The following MYH7B variants were observed in gnomAD, a reference collection of about 807,000 sequenced individuals.
The protein encoded by MYH7B is myosin-7B.
In MYH7B, 205 loss-of-function variants were observed where a neutral mutation model predicts 234.5. The observed-to-expected ratio is 0.87, with a 90% CI of 0.78 to 0.98. The LOEUF (loss-of-function observed/expected upper bound fraction) is 0.98. Ranked by LOEUF, MYH7B falls within the 50% of genes least tolerant of loss-of-function variation. The pLI, the probability that MYH7B is intolerant of heterozygous loss-of-function variation, is 0.00. For missense variants in MYH7B, 2,652 were observed against 2,633.4 expected, an observed-to-expected ratio of 1.01 and a Z score of -0.15; for synonymous variants, 1,193 against 1,105.0, an observed-to-expected ratio of 1.08 and a Z score of -1.58.
chr20:34,989,047 TG>T (rs1263841495), intron 19 of MYH7B, among the ~76,000 whole-genome samples: 3 of 152,224 alleles, frequency 2.0e-5, no homozygotes, highest in African/African-American at 7.2e-5. Flanking sequence ...TGACCTCAAG[TG>T]ATCTACCCAC....
rs141710855 is a variant in MYH7B, at chr20:34,985,116, G to A, written c.792G>A (p.Ala264=). The A allele has an allele frequency of 5.9e-4, 958 of 1,614,062 alleles. 5 individuals are homozygous for A. The African/African-American group carries it at 9.6e-3, about 16-fold the overall frequency. ...GTCCCTCTGGGAAGCTGGCATCCGC[G>A]GATATTGACAGCTGTGAGTCAACCC... Residue 264 remains alanine, a synonymous_variant, in exon 13 of 45, where the codon GCG becomes GCA. Transcript: ENST00000262873.
At chr20:34,967,266 A>C (rs1442357402) in intron 2 of MYH7B, among the ~76,000 whole-genome samples, 1 of 152,092 alleles carries the variant, frequency 6.6e-6, no homozygotes, top group Admixed American at 6.6e-5. Flanking sequence ...AAAGCATTAG[A>C]TAGAATGATA....
chr20:34,997,147 A>G (rs2082275984), exon 31 of MYH7B: 1 of 1,549,574 alleles, frequency 6.5e-7, no homozygotes, highest in Non-Finnish European at 8.7e-7. Context: ...GGGGGCCCAG[A>G]TGCAGAAGAA....
intron 29 of MYH7B, 24 bp downstream of exon 29, chr20:34,996,546 T>A (rs2082262279): frequency 6.2e-7 from 1 of 1,603,588 alleles, no homozygotes; most frequent in Non-Finnish European, 8.5e-7. Flanking sequence ...ACCCCGAGAC[T>A]GGGTGGCGGG....
intron 2 of MYH7B, among the ~76,000 whole-genome samples, chr20:34,959,898 T>C (rs978546634): frequency 2.0e-5 from 3 of 152,112 alleles, no homozygotes; most frequent in African/African-American, 7.2e-5. Context: ...TTCCCTTACC[T>C]CCCTATCACA....
chr20:34,976,133 A>G (rs6060135), intron 3 of MYH7B, among the ~76,000 whole-genome samples: 66,965 of 152,068 alleles, frequency 0.44, 15,841 homozygotes, highest in African/African-American at 0.61. Flanking sequence ...GGCTCTACTC[A>G]GCGTATAGAG....
Position 34,999,860 on chromosome 20 carries a change from G to A in MYH7B, c.4735G>A (p.Val1579Met), listed in dbSNP as rs770788181. The change falls in exon 38 of 45, where the codon GTG (valine) becomes ATG (methionine). Residue 1579 changes from valine (V) to methionine (M), a missense_variant. Coordinates refer to ENST00000262873, the Ensembl canonical transcript of MYH7B. Reference sequence around the variant, plus strand: ...GGAGCTCTCCCAGGTCAAAGCAGAAGTGGACCGGAAGCTGGCAGAGAAAGA... The same window carrying A: ...GGAGCTCTCCCAGGTCAAAGCAGAAATGGACCGGAAGCTGGCAGAGAAAGA... The A allele has an allele frequency of 6.2e-7, 1 of 1,613,582 alleles. No homozygotes were observed. The highest frequency in any genetic ancestry group is 2.2e-5 in the East Asian group (1 of 44,830).
intron 2 of MYH7B, among the ~76,000 whole-genome samples, chr20:34,970,399 A>G (rs535294040): frequency 6.6e-6 from 1 of 152,304 alleles, no homozygotes; most frequent in African/African-American, 2.4e-5. Flanking sequence ...CATGTCCACT[A>G]GTCCTGTAGT....
At chr20:34,995,314 C>T (rs748053144) in intron 27 of MYH7B, 22 bp from the exon 28 acceptor site, 13 of 1,607,308 alleles carry the variant, frequency 8.1e-6, no homozygotes, top group Non-Finnish European at 1.0e-5. Context: ...CCCAACCTGG[C>T]CCCGTTCCGT....
chr20:34,980,325 G>C (rs1359754491), intron 7 of MYH7B: 1 of 423,034 alleles, frequency 2.4e-6, no homozygotes, highest in Non-Finnish European at 4.3e-6. Flanking sequence ...AAGGCGGGCG[G>C]ATCACCTGAC....
chr20:34,986,026 C>A, intron 13 of MYH7B, 74 bp from the exon 14 acceptor site: 1 of 1,313,608 alleles, frequency 7.6e-7, no homozygotes, highest in Non-Finnish European at 1.1e-6. Context: ...ACCTCTCTCC[C>A]TCCGCATCGC....
chr20:34,992,257 G>C (rs1317347276), intron 24 of MYH7B, among the ~76,000 whole-genome samples: 1 of 151,878 alleles, frequency 6.6e-6, no homozygotes, highest in Non-Finnish European at 1.5e-5. Flanking sequence ...GTGGTGGCGG[G>C]AGCCTGTAGT....
rs371284276 is a variant in MYH7B, at chr20:35,002,418, A to AAGTT, written c.*232_*235dup. ...GTCCACAGCAGTCATTTTTAAAATA[A>AAGTT]AGTTATTTAATAGTCTCCATTTAAT... On this transcript the variant is annotated 3_prime_UTR_variant, in exon 45 of 45. Coordinates refer to ENST00000262873, the Ensembl canonical transcript of MYH7B. 5.9e-3 allele frequency: 2,487 copies of AAGTT among 422,558 alleles called. 8 individuals are homozygous for AAGTT. The highest frequency in any genetic ancestry group is 8.5e-3 in the Non-Finnish European group (2,052 of 242,746). 26.2% of individuals were successfully genotyped at this position (422,558 alleles called of 1,614,324 possible).
At chr20:34,985,966 C>A (rs1600435232) in intron 13 of MYH7B, 134 bp from the exon 14 acceptor site, 2 of 720,318 alleles carry the variant, frequency 2.8e-6, no homozygotes, top group Middle Eastern at 3.7e-4. Context: ...GATACCCTCC[C>A]CACACAAGCT....
intron 7 of MYH7B, 189 bp downstream of exon 7, chr20:34,979,993 G>A: frequency 1.5e-6 from 1 of 648,218 alleles, no homozygotes; most frequent in Non-Finnish European, 2.6e-6. Flanking sequence ...TGAGCAGTGG[G>A]GGCGGGGCTG....
At chr20:34,960,525 G>A (rs1274983541) in intron 2 of MYH7B, among the ~76,000 whole-genome samples, 2 of 152,212 alleles carry the variant, frequency 1.3e-5, no homozygotes, top group Non-Finnish European at 2.9e-5. Context: ...GGGAGCCACC[G>A]CACCCAGCCA....
At chr20:34,989,255 C>T (rs546783569) in intron 19 of MYH7B, among the ~76,000 whole-genome samples, 3 of 152,288 alleles carry the variant, frequency 2.0e-5, no homozygotes, top group South Asian at 4.2e-4. Flanking sequence ...TACAGCTGGG[C>T]GTTTAGGTGA....
intron 26 of MYH7B, among the ~76,000 whole-genome samples, chr20:34,993,713 G>T (rs1173367820): frequency 1.3e-5 from 2 of 152,232 alleles, no homozygotes; most frequent in Non-Finnish European, 2.9e-5. Flanking sequence ...ATGGCACCCA[G>T]TGTCTTCCAA....
chr20:34,976,477 A>C (rs1442918683), intron 3 of MYH7B, among the ~76,000 whole-genome samples: 1 of 152,116 alleles, frequency 6.6e-6, no homozygotes, highest in Non-Finnish European at 1.5e-5. Flanking sequence ...CGGAGCCCTG[A>C]ATGGGGTGAT....
Sources: gnomAD v4.1 joint callset for allele counts (sites outside exome capture counted in the v4.1 genomes callset) on GRCh38, gnomAD v4.1.1 for gene constraint, MANE v1.5 for transcripts, NCBI Gene and HGNC (gene_info 2026-07-23, HGNC 2026-07-21) for gene names.